ANO3: variants seen among roughly 807,000 people sequenced by gnomAD.
ANO3 encodes anoctamin 3.
In ANO3, 99 loss-of-function variants were observed where a neutral mutation model predicts 144.8. That is an observed-to-expected ratio of 0.68 (90% confidence interval 0.58 to 0.81). The LOEUF is 0.81. ANO3 is among the 30% of genes least tolerant of loss of function. The probability of loss-of-function intolerance (pLI) is 0.00; values close to 1 mark genes in which losing one functional copy is unlikely to be tolerated. For synonymous variants in ANO3, 414 were observed against 392.6 expected (o/e 1.05, Z -0.64); for missense variants, 905 against 1,202.2 (o/e 0.75, Z 3.66).
intron 4 of ANO3, among the ~76,000 whole-genome samples, chr11:26,500,727 T>C (rs1421605407): frequency 6.6e-6 from 1 of 152,022 alleles, no homozygotes; most frequent in Non-Finnish European, 1.5e-5. Flanking sequence ...GGTTTCTGAA[T>C]ACTTTTCCCA....
intron 1 of ANO3, among the ~76,000 whole-genome samples, chr11:26,241,338 A>G (rs1211482859): frequency 1.3e-5 from 2 of 152,138 alleles, no homozygotes; most frequent in Non-Finnish European, 2.9e-5. Context: ...AGATTTGACA[A>G]CTCTGGATTT....
intron 1 of ANO3, among the ~76,000 whole-genome samples, chr11:26,245,016 T>TGTGTGTGTGCGC (rs1554928278): frequency 4.8e-5 from 5 of 104,994 alleles, no homozygotes; most frequent in Non-Finnish European, 1.1e-4. Context: ...TGTGTGTGTG[T>TGTGTGTGTGCGC]GTGTGCATGC....
At chr11:26,621,922 A>G (rs941240864) in intron 17 of ANO3, among the ~76,000 whole-genome samples, 3 of 152,114 alleles carry the variant, frequency 2.0e-5, no homozygotes, top group Admixed American at 6.6e-5. Flanking sequence ...CTCTTCCCCA[A>G]CAAGCACGTA....
intron 17 of ANO3, among the ~76,000 whole-genome samples, chr11:26,600,858 T>C (rs1171873232): frequency 6.6e-6 from 1 of 152,070 alleles, no homozygotes; most frequent in African/African-American, 2.4e-5. Flanking sequence ...CCAGTATTTT[T>C]ATGTGCTAGT....
chr11:26,339,391 C>T (rs1159390965), intron 1 of ANO3, among the ~76,000 whole-genome samples: 5 of 152,058 alleles, frequency 3.3e-5, no homozygotes, highest in African/African-American at 1.2e-4. Flanking sequence ...CTGACCCAGG[C>T]GATCCGCCTG....
intron 17 of ANO3, among the ~76,000 whole-genome samples, chr11:26,602,505 T>C (rs946598322): frequency 1.3e-5 from 2 of 152,090 alleles, no homozygotes; most frequent in African/African-American, 2.4e-5. Context: ...GGCAGGAGGA[T>C]TGCTTGAGCC....
chr11:26,441,329 G>A (rs895936405), intron 1 of ANO3, among the ~76,000 whole-genome samples: 2 of 151,290 alleles, frequency 1.3e-5, no homozygotes, highest in African/African-American at 2.4e-5. Context: ...GTTTTAGCCG[G>A]GATGGTCTCG....
chr11:26,402,461 G>A (rs1018069003), intron 1 of ANO3, among the ~76,000 whole-genome samples: 5 of 151,850 alleles, frequency 3.3e-5, no homozygotes, highest in South Asian at 2.1e-4. Context: ...GTGTCTGTTC[G>A]GGTCCTTTGC....
intron 17 of ANO3, among the ~76,000 whole-genome samples, chr11:26,612,704 G>T (rs1405674949): frequency 6.6e-6 from 1 of 151,944 alleles, no homozygotes; most frequent in Non-Finnish European, 1.5e-5. Context: ...AATTTCTTCA[G>T]CATTTGTTTT....
At chr11:26,392,993 A>G (rs921153947) in intron 1 of ANO3, among the ~76,000 whole-genome samples, 1 of 152,162 alleles carries the variant, frequency 6.6e-6, no homozygotes, top group Non-Finnish European at 1.5e-5. Context: ...TAAATCCAGT[A>G]TCCATATCTC....
chr11:26,582,753 A>G (rs1489313229), intron 14 of ANO3, among the ~76,000 whole-genome samples: 1 of 152,108 alleles, frequency 6.6e-6, no homozygotes, highest in East Asian at 1.9e-4. Context: ...ACATATATTA[A>G]TTAAAGGCCA....
chr11:26,421,598 A>C (rs1417362227), intron 1 of ANO3, among the ~76,000 whole-genome samples: 1 of 151,998 alleles, frequency 6.6e-6, no homozygotes, highest in Non-Finnish European at 1.5e-5. Context: ...TAATAATATC[A>C]AGGTATCTTG....
rs1459745525 is a variant in ANO3, at chr11:26,452,852, G to A, written c.313+9016G>A. Among the ~76,000 whole-genome samples the A allele has an allele frequency of 2.0e-5, 3 of 152,286 alleles. No homozygotes were observed. In the East Asian group the frequency reaches 5.8e-4, roughly 29 times the overall value. On this transcript the variant is annotated intron_variant, in intron 3 of 26. Transcript: ENST00000256737. ...GAGAAAGGATGGGTTACCTACAAAG[G>A]GAAGCCCATCAGACTGACAGCAGAT...
chr11:26,643,670 G>A (rs1008547215), intron 23 of ANO3, among the ~76,000 whole-genome samples: 23 of 152,028 alleles, frequency 1.5e-4, no homozygotes, highest in Non-Finnish European at 2.5e-4. Flanking sequence ...CAGGAGAATC[G>A]TTTGAACACG....
intron 1 of ANO3, among the ~76,000 whole-genome samples, chr11:26,407,509 G>T (rs117199643): frequency 0.014 from 2,133 of 151,602 alleles, 30 homozygotes; most frequent in East Asian, 0.054. Context: ...AACTTTTATT[G>T]AATCTGTCTT....
At chr11:26,430,415 AAACAT>A (rs1304728156) in intron 1 of ANO3, among the ~76,000 whole-genome samples, 1 of 152,194 alleles carries the variant, frequency 6.6e-6, no homozygotes, top group African/African-American at 2.4e-5. Context: ...TGAAAAAAGA[AAACAT>A]AACTAAAATT....
At chr11:26,598,003 T>C (rs1343860086) in intron 14 of ANO3, among the ~76,000 whole-genome samples, 1 of 152,206 alleles carries the variant, frequency 6.6e-6, no homozygotes, top group Non-Finnish European at 1.5e-5. Context: ...TTGGCCTTTA[T>C]TGTGATTCTT....
intron 17 of ANO3, among the ~76,000 whole-genome samples, chr11:26,611,460 G>A (rs7925028): frequency 0.29 from 43,991 of 151,910 alleles, 6,724 homozygotes; most frequent in South Asian, 0.46. Context: ...TAATATTGTG[G>A]TCTAAAAGGA....
intron 14 of ANO3, chr11:26,563,285 T>C: frequency 6.4e-7 from 1 of 1,568,042 alleles, no homozygotes; most frequent in Non-Finnish European, 8.6e-7. Context: ...AAAAAAAATT[T>C]AAAGAAATAT....
Sources: allele counts gnomAD v4.1 joint callset (sites outside exome capture counted in the v4.1 genomes callset), GRCh38; gene constraint gnomAD v4.1.1; transcripts MANE v1.5; gene names NCBI Gene and HGNC (gene_info 2026-07-23, HGNC 2026-07-21).